OR4K1: variants seen among roughly 807,000 people sequenced by gnomAD.
The protein encoded by OR4K1 is olfactory receptor 4K1.
In OR4K1, 16 loss-of-function variants were observed where a neutral mutation model predicts 14.4. The observed-to-expected ratio is 1.11, with a 90% CI of 0.75 to 1.68. OR4K1 has a LOEUF of 1.68. OR4K1 is among the 40% of genes most tolerant of loss of function. OR4K1 has a pLI of 0.00. For synonymous variants in OR4K1, 181 were observed against 133.1 expected (o/e 1.36, Z -2.48); for missense variants, 548 against 376.9 (o/e 1.45, Z -3.76).
intron 1 of OR4K1, among the ~76,000 whole-genome samples, chr14:19,934,134 T>C (rs11626294): frequency 0.33 from 48,314 of 148,174 alleles, 4,831 homozygotes; most frequent in South Asian, 0.34. Context: ...CATGGAGGGG[T>C]GCAGAGCTTC....
Position 19,932,844 on chromosome 14 carries a change from C to G in OR4K1, c.-20+1699C>G, listed in dbSNP as rs1882215708. On this transcript the variant is annotated intron_variant, in intron 1 of 1. Coordinates refer to ENST00000641172, the MANE Select transcript of OR4K1 (RefSeq NM_001004063.3). ...CATATGCTTAGGGGACTGCTTAAAA[C>G]ATAGAAAAATGTCATTTGTGATAAG... Among the ~76,000 whole-genome samples the G allele has an allele frequency of 2.6e-5, 4 of 151,970 alleles. No homozygotes were observed. In the South Asian group the frequency reaches 8.3e-4, roughly 31 times the overall value.
At position 19,936,479 on chromosome 14, in the gene OR4K1, TTCTG is replaced by T. The variant is rs1245112883; in HGVS notation, c.815_818del (p.Ser272CysfsTer10). 1 of 1,614,000 alleles carries T rather than the reference TTCTG, an allele frequency of 6.2e-7. No homozygotes were observed. The highest frequency in any genetic ancestry group is 8.5e-7 in the Non-Finnish European group (1 of 1,180,020). On this transcript the variant is annotated frameshift_variant, in exon 2 of 2. Coordinates refer to ENST00000641172, the MANE Select transcript of OR4K1 (RefSeq NM_001004063.3). LOFTEE classifies it high-confidence loss of function. ...GCAGACTTCCTGTGGACAAATTTCT[TTCTG>T]TGTTCTACACTGTTTGTACTCCCTT...
chr14:19,929,422 G>A (rs1425394241), upstream of OR4K1, among the ~76,000 whole-genome samples: 1 of 150,060 alleles, frequency 6.7e-6, no homozygotes, highest in Non-Finnish European at 1.5e-5. Context: ...GGGGGAGAGA[G>A]AGAGAGACAG....
At chr14:19,930,546 TG>T (rs761844675), upstream of OR4K1, among the ~76,000 whole-genome samples, 54 of 152,314 alleles carry the variant, frequency 3.5e-4, no homozygotes, top group Non-Finnish European at 6.9e-4. Flanking sequence ...TATGAAGCAG[TG>T]GGCTCCTTGT....
rs752956760 is a variant in OR4K1, at chr14:19,935,645, T to C, written c.-19-3T>C. 5.2e-6 allele frequency: 8 copies of C among 1,544,856 alleles called. No individual in the cohort carries two copies. The highest frequency in any genetic ancestry group is 7.0e-6 in the Non-Finnish European group (8 of 1,147,454). On this transcript the variant is annotated splice_region_variant and splice_polypyrimidine_tract_variant and intron_variant, in intron 1 of 1. Coordinates refer to ENST00000641172, the MANE Select transcript of OR4K1 (RefSeq NM_001004063.3). ...TGACATTTTTCTGATTTCTTTTTTT[T>C]AGGTAACTGAATATTGGATACATGG...
chr14:19,922,589 A>AT, the OR4K1 span, among the ~76,000 whole-genome samples: 84 of 147,596 alleles, frequency 5.7e-4, no homozygotes, highest in South Asian at 1.5e-3. Context: ...GGCCTATGGT[A>AT]TTTTTTTTTT....
the OR4K1 span, among the ~76,000 whole-genome samples, chr14:19,923,531 A>T: frequency 3.9e-5 from 6 of 152,238 alleles, no homozygotes. Flanking sequence ...TAACATATTT[A>T]TTAACTTATA....
the OR4K1 span, among the ~76,000 whole-genome samples, chr14:19,921,823 A>C: frequency 6.6e-6 from 1 of 152,246 alleles, no homozygotes; most frequent in Non-Finnish European, 1.5e-5. Context: ...GTATGCATTT[A>C]CTGCTTTTGT....
At chr14:19,921,436 T>C in the OR4K1 span, 1 of 1,614,138 alleles carries the variant, frequency 6.2e-7, no homozygotes, top group Non-Finnish European at 8.5e-7. Context: ...TTTTACACTG[T>C]TTTCACCCCC....
the OR4K1 span, chr14:19,921,235 C>T: frequency 3.1e-6 from 5 of 1,614,076 alleles, 1 homozygote; most frequent in Non-Finnish European, 3.4e-6. Flanking sequence ...TCCCTAAGCA[C>T]TTTCTCTCTC....
the OR4K1 span, chr14:19,920,889 AG>A: frequency 6.2e-7 from 1 of 1,614,208 alleles, no homozygotes; most frequent in Non-Finnish European, 8.5e-7. Flanking sequence ...CATATCTTTC[AG>A]TGGCTGCATA....
upstream of OR4K1, chr14:19,930,910 G>A (rs1882170627): frequency 6.6e-6 from 1 of 152,292 alleles, no homozygotes; most frequent in East Asian, 1.9e-4. Context: ...TTGCTCGGTT[G>A]AGTGCAAGGT....
intron 1 of OR4K1, among the ~76,000 whole-genome samples, chr14:19,934,083 G>A (rs1235668413): frequency 6.6e-6 from 1 of 152,178 alleles, no homozygotes; most frequent in Non-Finnish European, 1.5e-5. Context: ...TATTATTTTG[G>A]TCATGTCTAA....
At chr14:19,921,174 C>G in the OR4K1 span, 1 of 1,614,130 alleles carries the variant, frequency 6.2e-7, no homozygotes. Context: ...ACTTGCCTGC[C>G]TGGACTCTTA....
upstream of OR4K1, among the ~76,000 whole-genome samples, chr14:19,926,678 G>C (rs117535850): frequency 0.049 from 7,439 of 150,316 alleles, 8 homozygotes; most frequent in Non-Finnish European, 0.062. Flanking sequence ...TCAATTTTAG[G>C]TTGATTCATA....
chr14:19,923,266 A>T, the OR4K1 span, among the ~76,000 whole-genome samples: 1 of 152,180 alleles, frequency 6.6e-6, no homozygotes, highest in Non-Finnish European at 1.5e-5. Context: ...TCGTTAATGC[A>T]TGTGTTTAGC....
chr14:19,920,657 C>T, the OR4K1 span: 3 of 1,613,756 alleles, frequency 1.9e-6, no homozygotes, highest in Non-Finnish European at 2.5e-6. Context: ...TGTTGGGACT[C>T]TGTAGTTCTC....
upstream of OR4K1, chr14:19,930,797 T>A (rs188269196): frequency 6.6e-6 from 1 of 152,266 alleles, no homozygotes; most frequent in Non-Finnish European, 1.5e-5. Flanking sequence ...CACTGGAAAG[T>A]GACCTCAGAT....
chr14:19,933,561 G>A (rs1381790799), intron 1 of OR4K1, among the ~76,000 whole-genome samples: 2 of 152,102 alleles, frequency 1.3e-5, no homozygotes, highest in African/African-American at 4.8e-5. Flanking sequence ...ATGCCTCGTT[G>A]ATCTGTTTAC....
Sources: gnomAD v4.1 joint callset for allele counts (sites outside exome capture counted in the v4.1 genomes callset) on GRCh38, gnomAD v4.1.1 for gene constraint, MANE v1.5 for transcripts, NCBI Gene and HGNC (gene_info 2026-07-23, HGNC 2026-07-21) for gene names.